Variants in SRCIN1 observed in about 807,000 individuals in gnomAD.
SRCIN1 encodes the protein P130Cas-associated protein.
SRCIN1 carries 50 observed loss-of-function variants against 116.2 expected under a neutral mutation model. That is an observed-to-expected ratio of 0.43 (90% CI 0.34 to 0.54). The LOEUF (loss-of-function observed/expected upper bound fraction) is 0.54. SRCIN1 is among the 20% of genes least tolerant of loss of function. SRCIN1 has a pLI of 0.02. For synonymous variants in SRCIN1, 736 were observed against 750.0 expected, an observed-to-expected ratio of 0.98 and a Z score of 0.30; for missense variants, 1,446 against 1,672.0, an observed-to-expected ratio of 0.86 and a Z score of 2.36.
chr17:38,555,282 G>A (rs1199861488), intron 11 of SRCIN1, among the ~76,000 whole-genome samples: 1 of 152,180 alleles, frequency 6.6e-6, no homozygotes, highest in Non-Finnish European at 1.5e-5. Flanking sequence ...AGGGATACAT[G>A]CTGCTTCCAG....
rs1231058413 is a variant in SRCIN1, at chr17:38,562,688, G to A, written c.834+139C>T. ...GAGGGGAAAGTGGCAGGTGGGACAG[G>A]GGCTCTTCCCTAACCCCTCAGCCCC... On this transcript the variant is annotated intron_variant, in intron 6 of 18. Transcript: ENST00000617146. The surrounding 1 kb of genome is among the most constrained non-coding windows in gnomAD (Gnocchi z 4.2). 1.9e-5 allele frequency: 14 copies of A among 743,506 alleles called. 1 individual carries two copies. The South Asian group carries it at 2.3e-4, about 12-fold the overall frequency. 46.1% of individuals were successfully genotyped at this position (743,506 alleles called of 1,614,324 possible). A position where few individuals can be genotyped will look rare whatever the true frequency, so the allele number is the denominator to read the frequency against.
intron 15 of SRCIN1, among the ~76,000 whole-genome samples, chr17:38,550,464 A>G (rs2143088327): frequency 6.6e-6 from 1 of 152,338 alleles, no homozygotes; most frequent in Middle Eastern, 3.4e-3. Flanking sequence ...ACTGCACTCC[A>G]GCCTGGGCGA....
Position 38,548,576 on chromosome 17 carries a change from C to T in SRCIN1, c.3251G>A (p.Arg1084His), listed in dbSNP as rs564541937. 10 of 1,612,110 alleles carry T rather than the reference C, an allele frequency of 6.2e-6. No homozygotes were observed. Among genetic ancestry groups the T allele is most frequent in the South Asian group, 2.2e-5 (2 of 91,078 alleles). The change falls in exon 17 of 19, where the codon CGC becomes CAC. Residue 1084 changes from arginine (R) to histidine (H), a missense_variant. By Grantham distance (29) the Arg-to-His change is conservative. This residue lies in a region of SRCIN1 where 531 missense variants were observed against 633.9 expected (regional missense o/e 0.84). Transcript: ENST00000617146. ...SAIKDEDDEDRIIAELESGGG... is the reference protein window; with the variant it reads ...SAIKDEDDEDHIIAELESGGG... ...ACCTACCTCTAGCTCTGCGATGATGCGATCCTCGTCATCCTCGTCCTTGAT... is the reference window on the plus strand; with the variant it reads ...ACCTACCTCTAGCTCTGCGATGATGTGATCCTCGTCATCCTCGTCCTTGAT...
At chr17:38,580,444 C>G (rs1404734406) in intron 1 of SRCIN1, among the ~76,000 whole-genome samples, 2 of 152,120 alleles carry the variant, frequency 1.3e-5, no homozygotes, top group Admixed American at 1.3e-4. Flanking sequence ...GCCTGACCAC[C>G]TGCCTCATGG....
chr17:38,569,550 C>T (rs1292278528), intron 2 of SRCIN1, among the ~76,000 whole-genome samples: 1 of 152,072 alleles, frequency 6.6e-6, no homozygotes, highest in Non-Finnish European at 1.5e-5. Context: ...CTAAGGCAGA[C>T]CTTTGGGGTG....
rs772701688 is a variant in SRCIN1, at chr17:38,543,878, T to C, written c.3362A>G (p.Lys1121Arg). ...GGCCCTCTGCTTGCCATGTTTGCTTTTGTCGGGGCTGCCCGCCTGGCCCTG... is the reference window on the plus strand; with the variant it reads ...GGCCCTCTGCTTGCCATGTTTGCTTCTGTCGGGGCTGCCCGCCTGGCCCTG... ...AAQGQAGSPDKSKHGKQRAEY... is the reference protein window; with the variant it reads ...AAQGQAGSPDRSKHGKQRAEY... The change falls in exon 18 of 19, where the codon AAA (lysine) becomes AGA (arginine). Residue 1121 changes from lysine (K) to arginine (R), a missense_variant. Physicochemically the swap from Lys to Arg is conservative, Grantham distance 26. Coordinates refer to ENST00000617146, the MANE Select transcript of SRCIN1 (RefSeq NM_025248.3). The C allele has an allele frequency of 6.2e-7, 1 of 1,607,944 alleles. No homozygotes were observed. The highest frequency in any genetic ancestry group is 1.1e-5 in the South Asian group (1 of 91,030).
chr17:38,585,970 C>T lies in SRCIN1; in HGVS notation c.23-7179G>A, dbSNP rs1003874494. ...CACGGTGATCCCCACTCCCTGCCAG[C>T]CCAGCCCCACCCCCTGAATGTCAGG... On this transcript the variant is annotated intron_variant, in intron 1 of 18. Coordinates refer to ENST00000617146, the MANE Select transcript of SRCIN1 (RefSeq NM_025248.3). This position sits in a 1 kb window ranked among gnomAD's most constrained non-coding sequence, Gnocchi z 4.2. Among the ~76,000 whole-genome samples the T allele has an allele frequency of 6.6e-6, 1 of 152,106 alleles. No homozygotes were observed. The highest frequency in any genetic ancestry group is 1.5e-5 in the Non-Finnish European group (1 of 68,022).
chr17:38,588,974 C>A (rs1354271174), intron 1 of SRCIN1, among the ~76,000 whole-genome samples: 1 of 152,198 alleles, frequency 6.6e-6, no homozygotes, highest in Admixed American at 6.5e-5. Flanking sequence ...GCCGCTAGAA[C>A]CAGCAGGATT....
At chr17:38,575,127 A>T (rs922969938) in intron 2 of SRCIN1, among the ~76,000 whole-genome samples, 1 of 152,212 alleles carries the variant, frequency 6.6e-6, no homozygotes, top group African/African-American at 2.4e-5. Flanking sequence ...TCCCTTATTT[A>T]GGCTGGGTAT....
intron 3 of SRCIN1, 71 bp from the exon 4 acceptor site, chr17:38,564,384 A>G (rs1906538658): frequency 7.0e-7 from 1 of 1,438,102 alleles, no homozygotes; most frequent in Non-Finnish European, 9.2e-7. Context: ...GTCACTGCCC[A>G]TATCCAGGCC....
At position 38,562,122 on chromosome 17, in the gene SRCIN1, G is replaced by A. The variant is rs370389781; in HGVS notation, c.1041C>T (p.His347=). ...PPSYAGSPVH[H]AAERLGGAPA... ...GGGCGCCTCCCAGCCTCTCGGCCGC[G>A]TGGTGCACCGGGCTGCCGGCGTACG... The change falls in exon 7 of 19, where the codon CAC becomes CAT. Residue 347 remains histidine (H), a synonymous_variant. Coordinates refer to ENST00000617146, the MANE Select transcript of SRCIN1 (RefSeq NM_025248.3). This position sits in a 1 kb window ranked among gnomAD's most constrained non-coding sequence, Gnocchi z 4.2. The A allele has an allele frequency of 7.9e-6, 11 of 1,391,836 alleles. No homozygotes were observed. The African/African-American group carries it at 1.5e-4, about 19-fold the overall frequency. 86.2% of individuals were successfully genotyped at this position (1,391,836 alleles called of 1,614,324 possible). A position where few individuals can be genotyped will look rare whatever the true frequency, so the allele number is the denominator to read the frequency against.
chr17:38,571,525 G>C (rs926794060), intron 2 of SRCIN1, among the ~76,000 whole-genome samples: 1 of 152,172 alleles, frequency 6.6e-6, no homozygotes. Context: ...GAAGGGCCAG[G>C]AGAGGTCTGG....
chr17:38,600,892 C>T (rs1441392840), intron 1 of SRCIN1, among the ~76,000 whole-genome samples: 3 of 152,256 alleles, frequency 2.0e-5, no homozygotes, highest in South Asian at 2.1e-4. Context: ...GCCAGACTCA[C>T]CTCCCCAGGG....
In SRCIN1 at chr17:38,562,720, G is replaced by A. The variant is rs1906356565; in HGVS notation, c.834+107C>T. 4 of 987,774 alleles carry A rather than the reference G, an allele frequency of 4.0e-6. No homozygotes were observed. Among genetic ancestry groups the A allele is most frequent in the East Asian group, 2.6e-5 (1 of 38,204 alleles). 61.2% of individuals were successfully genotyped at this position (987,774 alleles called of 1,614,324 possible). ...TCCCTAACCCCTCAGCCCCTATGCT[G>A]TCTTCTCCAAAGCTGGCCCTGGTTC... On this transcript the variant is annotated intron_variant, in intron 6 of 18. Coordinates refer to ENST00000617146, the MANE Select transcript of SRCIN1 (RefSeq NM_025248.3). The surrounding 1 kb of genome is among the most constrained non-coding windows in gnomAD (Gnocchi z 4.2).
At chr17:38,578,901 T>C (rs900867435) in intron 1 of SRCIN1, 110 bp from the exon 2 acceptor site, 1 of 1,264,166 alleles carries the variant, frequency 7.9e-7, no homozygotes, top group African/African-American at 1.6e-5. Flanking sequence ...CTAAGGAGAG[T>C]GGAGAGGCGC....
At chr17:38,592,592 A>C (rs573765349) in intron 1 of SRCIN1, among the ~76,000 whole-genome samples, 2 of 152,352 alleles carry the variant, frequency 1.3e-5, no homozygotes, top group East Asian at 3.9e-4. Flanking sequence ...TCCAGGCCTC[A>C]GTTTCCCCAA....
At chr17:38,592,165 C>T (rs918696767) in intron 1 of SRCIN1, among the ~76,000 whole-genome samples, 2 of 152,204 alleles carry the variant, frequency 1.3e-5, no homozygotes, top group African/African-American at 4.8e-5. Flanking sequence ...CCCATGCTTG[C>T]GCAGTGGCTA....
chr17:38,593,865 C>A (rs899391855), intron 1 of SRCIN1, among the ~76,000 whole-genome samples: 1 of 152,202 alleles, frequency 6.6e-6, no homozygotes, highest in East Asian at 1.9e-4. Context: ...ACTCCCACCC[C>A]CTACACCCTC....
chr17:38,533,886 G>A (rs796853509), intron 18 of SRCIN1, among the ~76,000 whole-genome samples: 50 of 152,154 alleles, frequency 3.3e-4, no homozygotes, highest in African/African-American at 1.1e-3. Flanking sequence ...TGTACAGCCA[G>A]AGCCCCTTCC....
Sources: allele counts gnomAD v4.1 joint callset (sites outside exome capture counted in the v4.1 genomes callset), GRCh38; gene constraint gnomAD v4.1.1; regional missense constraint gnomAD v4.1.1; non-coding constraint Gnocchi (gnomAD v3.1); transcripts MANE v1.5; gene names NCBI Gene and HGNC (gene_info 2026-07-23, HGNC 2026-07-21).